The following MUC5AC variants were observed in gnomAD, a reference collection of about 807,000 sequenced individuals.
MUC5AC encodes the protein mucin-5AC.
MUC5AC carries 158 observed loss-of-function variants against 169.7 expected under a neutral mutation model. The observed-to-expected ratio is 0.93, with a 90% CI of 0.82 to 1.06. The LOEUF (loss-of-function observed/expected upper bound fraction) is 1.06, where lower values mean the gene tolerates loss of function less well. Ranked by LOEUF, MUC5AC falls within the 50% of genes least tolerant of loss-of-function variation. The pLI, the probability that MUC5AC is intolerant of heterozygous loss-of-function variation, is 0.00. For synonymous variants in MUC5AC, 1,975 were observed against 1,237.0 expected, an observed-to-expected ratio of 1.60 and a Z score of -12.52; for missense variants, 4,359 against 3,089.9, an observed-to-expected ratio of 1.41 and a Z score of -9.74.
chr11:1,164,082 G>C lies in MUC5AC; in HGVS notation c.790-24G>C, dbSNP rs146560708. ...GTCCAGATCCCCCACCGAGGACTCA[G>C]ACGGGCTGTGGCCTTTGTCCTAGGG... On this transcript the variant is annotated intron_variant, in intron 7 of 48. Coordinates refer to ENST00000621226, the MANE Select transcript of MUC5AC (RefSeq NM_001304359.2). 84 of 1,611,130 alleles carry C rather than the reference G, an allele frequency of 5.2e-5. No homozygotes were observed. In the African/African-American group the frequency reaches 8.8e-4, roughly 17 times the overall value.
chr11:1,167,873 G>C lies in MUC5AC; in HGVS notation c.1387-4G>C, dbSNP rs55851815. ...GAGGACCCCTGGTGTGTCGTGTTCCGCAGCCCTGTGACAGCAGTGCCTTCA... is the reference window on the plus strand; with the variant it reads ...GAGGACCCCTGGTGTGTCGTGTTCCCCAGCCCTGTGACAGCAGTGCCTTCA... On this transcript the variant is annotated splice_region_variant and splice_polypyrimidine_tract_variant and intron_variant, in intron 11 of 48. Transcript: ENST00000621226. 1.3e-6 allele frequency: 2 copies of C among 1,549,604 alleles called. No individual in the cohort carries two copies. Among genetic ancestry groups the C allele is most frequent in the African/African-American group, 1.4e-5 (1 of 73,034 alleles).
In MUC5AC at chr11:1,198,881, C is replaced by G. The variant is rs976735945; in HGVS notation, c.16181C>G (p.Ala5394Gly). 2 of 746,026 alleles carry G rather than the reference C, an allele frequency of 2.7e-6. No homozygotes were observed. Among genetic ancestry groups the G allele is most frequent in the Non-Finnish European group, 4.9e-6 (2 of 409,666 alleles). The allele number at this position is 746,026 out of a possible 1,614,324, so 46.2% of individuals were successfully genotyped here. A position where few individuals can be genotyped will look rare whatever the true frequency, so the allele number is the denominator to read the frequency against. Residue 5394 changes from alanine to glycine, a missense_variant, in exon 44 of 49, where the codon GCC becomes GGC. Ala to Gly is a moderately conservative substitution (Grantham distance 60, BLOSUM62 0). Transcript: ENST00000621226. ...SINGTLYQPGAVVSSSLCETC... is the reference protein window; with the variant it reads ...SINGTLYQPGGVVSSSLCETC... The stretch of plus-strand genomic sequence containing the variant: ...TGCCCTGGCTCTCCCCAGCCCGGCG[C>G]CGTGGTCTCCTCGAGCCTGTGCGAA...
chr11:1,186,974 T>A lies in MUC5AC; in HGVS notation c.8829T>A (p.Val2943=). Residue 2943 remains valine (V), a synonymous_variant, in exon 31 of 49, where the codon GTT becomes GTA. Transcript: ENST00000621226. ...ISVPTTSTTS[V]PGTTPSPVPT... is the part of the protein sequence containing the mutation. ...TTCCTACAACCAGCACAACTTCTGT[T>A]CCTGGAACTACTCCCAGCCCTGTTC... The A allele has an allele frequency of 1.4e-6, 1 of 725,054 alleles. No individual in the cohort carries two copies. The highest frequency in any genetic ancestry group is 2.5e-6 in the Non-Finnish European group (1 of 399,754). 44.9% of individuals were successfully genotyped at this position (725,054 alleles called of 1,614,324 possible).
At chr11:1,170,494 C>T in intron 15 of MUC5AC, among the ~76,000 whole-genome samples, 1 of 142,796 alleles carries the variant, frequency 7.0e-6, no homozygotes, top group Admixed American at 6.8e-5. Context: ...CCCACTCACT[C>T]ACCCACTCAC....
chr11:1,197,955 C>A lies in MUC5AC; in HGVS notation c.16086C>A (p.Arg5362=). 1 of 736,996 alleles carries A rather than the reference C, an allele frequency of 1.4e-6. No homozygotes were observed. Among genetic ancestry groups the A allele is most frequent in the South Asian group, 1.4e-5 (1 of 69,950 alleles). 45.7% of individuals were successfully genotyped at this position (736,996 alleles called of 1,614,324 possible). A position where few individuals can be genotyped will look rare whatever the true frequency, so the allele number is the denominator to read the frequency against. The stretch of plus-strand genomic sequence containing the variant: ...CCGTGGGCTGTCCTGAGGGCGCCCG[C>A]GCGATCCCGACCTACCAGGAGGGGG... ...PAPVGCPEGA[R]AIPTYQEGAC... Residue 5362 remains arginine, a synonymous_variant, in exon 42 of 49, where the codon CGC becomes CGA. Coordinates refer to ENST00000621226, the MANE Select transcript of MUC5AC (RefSeq NM_001304359.2).
rs892583519 is a variant in MUC5AC, at chr11:1,198,983, C to T, written c.16283C>T (p.Thr5428Ile). Reference protein sequence around the residue: ...VVSCETQICNTHCPVGFEYQE... With the variant: ...VVSCETQICNIHCPVGFEYQE... ...AGCTGTGAGACCCAGATCTGCAACA[C>T]ACACTGCCCTGTGGTGAGCGCTCCC... Residue 5428 changes from threonine to isoleucine, a missense_variant, in exon 44 of 49, where the codon ACA becomes ATA. Physicochemically the swap from Thr to Ile is moderately conservative, Grantham distance 89. Coordinates refer to ENST00000621226, the MANE Select transcript of MUC5AC (RefSeq NM_001304359.2). 5 of 764,318 alleles carry T rather than the reference C, an allele frequency of 6.5e-6. No homozygotes were observed. The highest frequency in any genetic ancestry group is 5.1e-5 in the African/African-American group (3 of 59,086). The allele number at this position is 764,318 out of a possible 1,614,324, so 47.3% of individuals were successfully genotyped here.
chr11:1,162,619 C>T lies in MUC5AC; in HGVS notation c.561C>T (p.Leu187=), dbSNP rs755810138. ...TGGAGGCCAGGCTGGGCCTTGTCCT[C>T]ATGTGGAACCACGATGACAGCCTGC... ...TKVEARLGLV[L]MWNHDDSLLL... The change falls in exon 5 of 49, where the codon CTC becomes CTT. Residue 187 remains leucine (L), a synonymous_variant. Transcript: ENST00000621226. 7 of 1,612,632 alleles carry T rather than the reference C, an allele frequency of 4.3e-6. No individual in the cohort carries two copies. The highest frequency in any genetic ancestry group is 5.9e-6 in the Non-Finnish European group (7 of 1,179,862).
chr11:1,160,400 G>A (rs1159569154), intron 1 of MUC5AC, among the ~76,000 whole-genome samples: 1 of 152,052 alleles, frequency 6.6e-6, no homozygotes. Flanking sequence ...CTGAGGAGAT[G>A]CTCCTGGAGG....
chr11:1,199,019 G>A (rs372134694), intron 44 of MUC5AC, 23 bp downstream of exon 44: 640 of 763,002 alleles, frequency 8.4e-4, no homozygotes, highest in Non-Finnish European at 1.2e-3. Flanking sequence ...ACCCTGCCCC[G>A]ACCCTGCCCT....
chr11:1,176,004 C>A (rs1471749670), intron 19 of MUC5AC, 147 bp from the exon 20 acceptor site: 1 of 394,876 alleles, frequency 2.5e-6, no homozygotes, highest in Non-Finnish European at 4.5e-6. Context: ...GCTCACACAC[C>A]CACTCATGCA....
chr11:1,172,967 C>T (rs1426176432), intron 16 of MUC5AC, among the ~76,000 whole-genome samples: 1 of 150,224 alleles, frequency 6.7e-6, no homozygotes, highest in African/African-American at 2.5e-5. Flanking sequence ...TTCACTCACT[C>T]ATCCACTCAC....
At chr11:1,199,319 G>A in intron 45 of MUC5AC, 52 bp from the exon 46 acceptor site, 1 of 699,934 alleles carries the variant, frequency 1.4e-6, no homozygotes, top group Non-Finnish European at 2.6e-6. Flanking sequence ...GGTGCAGACA[G>A]AGGGACAGAC....
rs1260162690 is a variant in MUC5AC at position 1,183,660 on chromosome 11, C to T, written c.5515C>T (p.Leu1839Phe). ...KMCLNYEVRV[L>F]CCETPRGCHM... The stretch of plus-strand genomic sequence containing the variant: ...GTGCCTCAACTACGAGGTGCGTGTG[C>T]TCTGCTGCGAGACCCCCAGAGGCTG... The change falls in exon 31 of 49, where the codon CTC becomes TTC. Residue 1839 changes from leucine (L) to phenylalanine (F), a missense_variant. Physicochemically the swap from Leu to Phe is conservative, Grantham distance 22. Transcript: ENST00000621226. 4.7e-6 allele frequency: 3 copies of T among 640,974 alleles called. No individual in the cohort carries two copies. The African/African-American group carries it at 5.6e-5, about 12-fold the overall frequency. 39.7% of individuals were successfully genotyped at this position (640,974 alleles called of 1,614,324 possible). A position where few individuals can be genotyped will look rare whatever the true frequency, so the allele number is the denominator to read the frequency against.
chr11:1,189,805 C>T lies in MUC5AC; in HGVS notation c.11660C>T (p.Thr3887Ile), dbSNP rs1324410792. 1.4e-6 allele frequency: 1 copy of T among 729,060 alleles called. No homozygotes were observed. Among genetic ancestry groups the T allele is most frequent in the African/African-American group, 1.7e-5 (1 of 58,450 alleles). The allele number at this position is 729,060 out of a possible 1,614,324, so 45.2% of individuals were successfully genotyped here. The stretch of plus-strand genomic sequence containing the variant: ...ACAACCTCTTTCCATACAACCAGCA[C>T]AACCTCTCCCCCTACAAGCAGCACA... ...TSTTSFHTTS[T>I]TSPPTSSTSS... Residue 3887 changes from threonine (T) to isoleucine (I), a missense_variant, in exon 31 of 49, where the codon ACA becomes ATA. Transcript: ENST00000621226.
chr11:1,200,640 C>T lies in MUC5AC; in HGVS notation c.16903C>T (p.Pro5635Ser), dbSNP rs755966356. The T allele has an allele frequency of 2.6e-5, 20 of 763,644 alleles. No individual in the cohort carries two copies. The highest frequency in any genetic ancestry group is 1.4e-4 in the Admixed American group (8 of 58,946). 47.3% of individuals were successfully genotyped at this position (763,644 alleles called of 1,614,324 possible). Residue 5635 changes from proline to serine, a missense_variant, in exon 49 of 49, where the codon CCC becomes TCC. By Grantham distance (74) the Pro-to-Ser change is moderately conservative. Transcript: ENST00000621226. Reference sequence around the variant, plus strand: ...GCACTCGGAGGAGGCGGAACCCGAGCCCAGCCAGGAGGCAGAGAGTGGGAG... The same window carrying T: ...GCACTCGGAGGAGGCGGAACCCGAGTCCAGCCAGGAGGCAGAGAGTGGGAG... ...TQHSEEAEPE[P>S]SQEAESGSWE...
At chr11:1,174,346 G>C (rs1386027120) in intron 16 of MUC5AC, 150 bp from the exon 17 acceptor site, 1 of 557,932 alleles carries the variant, frequency 1.8e-6, no homozygotes, top group African/African-American at 1.9e-5. Flanking sequence ...GAGGGGGCAG[G>C]ATGCCTGTGA....
Position 1,168,782 on chromosome 11 carries a change from A to T in MUC5AC, c.1705+3A>T, listed in dbSNP as rs1355194764. 6.3e-7 allele frequency: 1 copy of T among 1,596,156 alleles called. No homozygotes were observed. Among genetic ancestry groups the T allele is most frequent in the Non-Finnish European group, 8.6e-7 (1 of 1,167,914 alleles). On this transcript the variant is annotated splice_donor_region_variant and intron_variant, in intron 14 of 48. Transcript: ENST00000621226. Reference sequence around the variant, plus strand: ...CAAGCTCCGTGGGCAGACCTGCGGTAAGAGGGCTGCCTTCTGGGCTTGGAG... The same window carrying T: ...CAAGCTCCGTGGGCAGACCTGCGGTTAGAGGGCTGCCTTCTGGGCTTGGAG...
In MUC5AC at chr11:1,186,610, C is replaced by T. The variant is rs1311351888; in HGVS notation, c.8465C>T (p.Ser2822Leu). The change falls in exon 31 of 49, where the codon TCG (serine) becomes TTG (leucine). Residue 2822 changes from serine to leucine, a missense_variant. Transcript: ENST00000621226. ...TCCACACCACAGACCAGCACAACTTCGGCTCCTACAACCAGCACAACTTCT... is the reference window on the plus strand; with the variant it reads ...TCCACACCACAGACCAGCACAACTTTGGCTCCTACAACCAGCACAACTTCT... ...TTSTPQTSTTSAPTTSTTSGP... is the reference protein window; with the variant it reads ...TTSTPQTSTTLAPTTSTTSGP... 4.1e-3 allele frequency: 2,971 copies of T among 718,282 alleles called. 12 individuals carry two copies. Among genetic ancestry groups the T allele is most frequent in the Non-Finnish European group, 6.2e-3 (2,449 of 393,854 alleles). 44.5% of individuals were successfully genotyped at this position (718,282 alleles called of 1,614,324 possible).
At position 1,199,840 on chromosome 11, in the gene MUC5AC, T is replaced by C; in HGVS notation, c.16586-15T>C. ...GAGCAGCTGGGCTGGTCCTAAACCCTGTGTTCCTCTCCAGAGTCGACCTGT... is the reference window on the plus strand; with the variant it reads ...GAGCAGCTGGGCTGGTCCTAAACCCCGTGTTCCTCTCCAGAGTCGACCTGT... On this transcript the variant is annotated splice_polypyrimidine_tract_variant and intron_variant, in intron 47 of 48. Transcript: ENST00000621226. The C allele has an allele frequency of 1.3e-6, 1 of 758,120 alleles. No homozygotes were observed. The highest frequency in any genetic ancestry group is 2.4e-5 in the East Asian group (1 of 40,948). 47.0% of individuals were successfully genotyped at this position (758,120 alleles called of 1,614,324 possible).
Sources: allele counts gnomAD v4.1 joint callset (sites outside exome capture counted in the v4.1 genomes callset), GRCh38; gene constraint gnomAD v4.1.1; transcripts MANE v1.5; gene names NCBI Gene and HGNC (gene_info 2026-07-23, HGNC 2026-07-21).